ZNF561: variants seen among roughly 807,000 people sequenced by gnomAD.
ZNF561 encodes zinc finger protein 561.
ZNF561 carries 16 observed loss-of-function variants against 16.7 expected under a neutral mutation model. That is an observed-to-expected ratio of 0.96 (90% confidence interval 0.65 to 1.45). ZNF561 has a LOEUF of 1.45. ZNF561 is among the 40% of genes most tolerant of loss of function. The probability of loss-of-function intolerance (pLI) is 0.00; values close to 1 mark genes in which losing one functional copy is unlikely to be tolerated. For synonymous variants in ZNF561, 190 were observed against 192.1 expected, an observed-to-expected ratio of 0.99 and a Z score of 0.09; for missense variants, 580 against 578.0, an observed-to-expected ratio of 1.00 and a Z score of -0.04.
intron 1 of ZNF561, 118 bp downstream of exon 1, chr19:9,621,044 T>TAG (rs1568240799): frequency 6.6e-6 from 1 of 152,392 alleles, no homozygotes; most frequent in African/African-American, 2.4e-5. Context: ...GGAGGACTGA[T>TAG]AGTCCCTGGA....
rs1393953075 is a variant in ZNF561, at chr19:9,610,288, A to C, written c.1373T>G (p.Phe458Cys). 6.2e-7 allele frequency: 1 copy of C among 1,614,044 alleles called. No individual in the cohort carries two copies. The highest frequency in any genetic ancestry group is 2.2e-5 in the East Asian group (1 of 44,894). Residue 458 changes from phenylalanine to cysteine, a missense_variant, in exon 6 of 6, where the codon TTT becomes TGT. Physicochemically the swap from Phe to Cys is radical, Grantham distance 205. Coordinates refer to ENST00000302851, the MANE Select transcript of ZNF561 (RefSeq NM_152289.3). ...PFVCKECGKA[F>C]AVSSRLSRHE... ...TCTACTTAGGCGTGAGGAAACAGCA[A>C]ATGCTTTCCCACATTCTTTACATAC...
intron 1 of ZNF561, chr19:9,620,768 TG>T (rs1406855075): frequency 6.6e-6 from 1 of 152,138 alleles, no homozygotes; most frequent in Admixed American, 6.5e-5. Flanking sequence ...GTCGGCCGGG[TG>T]CAGTGGCTCA....
chr19:9,610,208 T>A lies in ZNF561; in HGVS notation c.1453A>T (p.Thr485Ser). The A allele has an allele frequency of 6.3e-7, 1 of 1,581,442 alleles. No homozygotes were observed. The highest frequency in any genetic ancestry group is 1.1e-5 in the South Asian group (1 of 87,536). ...AGATGGCAACCGATGGGCTAAATGG[T>A]AACACTCATATCCTTGCATTCATAG... Reference protein sequence around the residue: ...KPYECKDMSVTI With the variant: ...KPYECKDMSVSI The change falls in exon 6 of 6, where the codon ACC (threonine) becomes TCC (serine). Residue 485 changes from threonine to serine, a missense_variant. Coordinates refer to ENST00000302851, the MANE Select transcript of ZNF561 (RefSeq NM_152289.3).
intron 5 of ZNF561, 86 bp downstream of exon 5, chr19:9,613,935 C>A: frequency 6.6e-7 from 1 of 1,525,148 alleles, no homozygotes; most frequent in Non-Finnish European, 9.0e-7. Flanking sequence ...ATGTAAGCCA[C>A]ACCTCTGACT....
At chr19:9,614,279 G>A (rs2074514150) in intron 4 of ZNF561, 176 bp from the exon 5 acceptor site, 4 of 641,602 alleles carry the variant, frequency 6.2e-6, no homozygotes, top group Admixed American at 3.0e-5. Flanking sequence ...TTACATAACT[G>A]ATGTGTTTAG....
intron 3 of ZNF561, chr19:9,617,629 C>T (rs2074580246): frequency 6.6e-6 from 3 of 456,574 alleles, no homozygotes; most frequent in Admixed American, 4.7e-5. Flanking sequence ...ACCTCTGTCT[C>T]CTGAGTAGCT....
chr19:9,617,259 C>T, intron 3 of ZNF561, 88 bp from the exon 4 acceptor site: 24 of 1,481,348 alleles, frequency 1.6e-5, no homozygotes, highest in Non-Finnish European at 2.2e-5. Context: ...CTTATACTCA[C>T]TTACACGTGG....
chr19:9,614,982 G>T (rs1197000756), intron 4 of ZNF561, among the ~76,000 whole-genome samples: 1 of 151,838 alleles, frequency 6.6e-6, no homozygotes, highest in South Asian at 2.1e-4. Context: ...GGGACTAAAG[G>T]CGTGTGCCAC....
intron 5 of ZNF561, 66 bp downstream of exon 5, chr19:9,613,955 T>G: frequency 4.4e-6 from 7 of 1,589,346 alleles, no homozygotes; most frequent in Non-Finnish European, 6.0e-6. Flanking sequence ...TGAGCTGATT[T>G]TCTAGAATGG....
At chr19:9,616,342 C>T (rs572138114) in intron 4 of ZNF561, among the ~76,000 whole-genome samples, 18 of 151,822 alleles carry the variant, frequency 1.2e-4, no homozygotes, top group African/African-American at 2.4e-4. Flanking sequence ...AGTGCAGTGG[C>T]GCAATCTCAG....
At chr19:9,619,281 A>C in intron 2 of ZNF561, 151 bp downstream of exon 2, 1 of 485,654 alleles carries the variant, frequency 2.1e-6, no homozygotes, top group African/African-American at 2.0e-5. Context: ...AAATAAATAA[A>C]TAATAAAACA....
In ZNF561 at chr19:9,610,478, A is replaced by G. The variant is rs2074427306; in HGVS notation, c.1183T>C (p.Cys395Arg). The G allele has an allele frequency of 6.2e-7, 1 of 1,612,954 alleles. No individual in the cohort carries two copies. Among genetic ancestry groups the G allele is most frequent in the Non-Finnish European group, 8.5e-7 (1 of 1,179,166 alleles). The change falls in exon 6 of 6, where the codon TGT becomes CGT. Residue 395 changes from cysteine (C) to arginine (R), a missense_variant. Coordinates refer to ENST00000302851, the MANE Select transcript of ZNF561 (RefSeq NM_152289.3). ...RIHTGEKPYE[C>R]VECGKTFITS... ...ATGAAGGTCTTCCCACATTCAACAC[A>G]TTCATAAGGCTTCTCTCCTGTGTGA...
chr19:9,618,292 C>G (rs553046291), intron 2 of ZNF561, 113 bp from the exon 3 acceptor site: 4 of 1,026,334 alleles, frequency 3.9e-6, no homozygotes, highest in Admixed American at 2.4e-5. Flanking sequence ...CCTACACACT[C>G]GAGAAAACTA....
At chr19:9,614,829 T>A (rs1049338464) in intron 4 of ZNF561, among the ~76,000 whole-genome samples, 2 of 151,620 alleles carry the variant, frequency 1.3e-5, no homozygotes, top group South Asian at 4.2e-4. Flanking sequence ...GCAAAGTGCA[T>A]CTTTAAAAAT....
rs28445940 is a variant in ZNF561 at position 9,610,725 on chromosome 19, A to T, written c.936T>A (p.Thr312=). 0.21 allele frequency: 343,852 copies of T among 1,613,952 alleles called. 41,589 individuals carry two copies. Among genetic ancestry groups the T allele is most frequent in the African/African-American group, 0.45 (33,434 of 74,960 alleles). Residue 312 remains threonine (T), a synonymous_variant, in exon 6 of 6, where the codon ACT becomes ACA. Coordinates refer to ENST00000302851, the MANE Select transcript of ZNF561 (RefSeq NM_152289.3). ...ATCTAGTGAAGGCTTTCCCACAGTA[A>T]GTACACTTGTGTGGTTTTATTCCAG... ...IHTGIKPHKC[T]YCGKAFTRST...
At chr19:9,611,512 T>C (rs944155152) in intron 5 of ZNF561, among the ~76,000 whole-genome samples, 176 bp from the exon 6 acceptor site, 3 of 152,026 alleles carry the variant, frequency 2.0e-5, no homozygotes, top group African/African-American at 4.8e-5. Context: ...CATGGCACAC[T>C]CTCAGCTAAC....
chr19:9,609,389 G>A lies in ZNF561; in HGVS notation c.*811C>T, dbSNP rs2074405598. 6.6e-6 allele frequency: 1 copy of A among 152,168 alleles called. No homozygotes were observed. The highest frequency in any genetic ancestry group is 2.4e-5 in the African/African-American group (1 of 41,430). 9.4% of individuals were successfully genotyped at this position (152,168 alleles called of 1,614,324 possible). On this transcript the variant is annotated 3_prime_UTR_variant, in exon 6 of 6. Coordinates refer to ENST00000302851, the MANE Select transcript of ZNF561 (RefSeq NM_152289.3). ...GCTGGTCTCAGCAAAAATGCAAAAG[G>A]AGACCTGAATTGCAGAAAAAATTGT... is the stretch of plus-strand genomic sequence containing the variant.
At chr19:9,617,692 C>A (rs2074582267) in intron 3 of ZNF561, 2 of 457,174 alleles carry the variant, frequency 4.4e-6, no homozygotes, top group African/African-American at 2.0e-5. Flanking sequence ...CTCAGCACAA[C>A]CAGGCTAGGA....
intron 4 of ZNF561, chr19:9,616,835 C>T (rs1599232115): frequency 4.2e-6 from 2 of 470,666 alleles, no homozygotes; most frequent in Admixed American, 3.7e-5. Context: ...ACCTTGTGAT[C>T]CGTCCACCTC....
Sources: gnomAD v4.1 joint callset for allele counts (sites outside exome capture counted in the v4.1 genomes callset) on GRCh38, gnomAD v4.1.1 for gene constraint, MANE v1.5 for transcripts, NCBI Gene and HGNC (gene_info 2026-07-23, HGNC 2026-07-21) for gene names.